DGUOK: variants seen among roughly 807,000 people sequenced by gnomAD.
DGUOK encodes deoxyguanosine kinase.
A neutral mutation model predicts 36.6 loss-of-function variants in DGUOK; 30 were observed. The observed-to-expected ratio is 0.82, with a 90% CI of 0.61 to 1.11. The LOEUF is 1.11. Among genes scored for constraint, DGUOK ranks in the 50% most tolerant of loss-of-function variants. DGUOK has a pLI of 0.00. For synonymous variants in DGUOK, 145 were observed against 126.3 expected (o/e 1.15, Z -0.99); for missense variants, 361 against 336.4 (o/e 1.07, Z -0.57).
intron 1 of DGUOK, among the ~76,000 whole-genome samples, chr2:73,933,455 G>A (rs1362909532): frequency 2.0e-5 from 3 of 152,184 alleles, no homozygotes; most frequent in Non-Finnish European, 4.4e-5. Context: ...AGTGGCGCTG[G>A]AGAGAGTTCA....
intron 3 of DGUOK, among the ~76,000 whole-genome samples, chr2:73,949,519 A>G (rs1301066262): frequency 6.6e-6 from 1 of 152,238 alleles, no homozygotes; most frequent in East Asian, 1.9e-4. Context: ...ACATCATCAT[A>G]ACAGGCTGAG....
intron 1 of DGUOK, among the ~76,000 whole-genome samples, chr2:73,936,474 T>G (rs1293470838): frequency 6.6e-6 from 1 of 152,168 alleles, no homozygotes; most frequent in Non-Finnish European, 1.5e-5. Flanking sequence ...ATCCACAGAT[T>G]CATGCTGTTT....
chr2:73,933,948 A>G (rs1681256249), intron 1 of DGUOK, among the ~76,000 whole-genome samples: 1 of 152,180 alleles, frequency 6.6e-6, no homozygotes, highest in Non-Finnish European at 1.5e-5. Flanking sequence ...AAGACATTAG[A>G]CAGTTTTATA....
At chr2:73,933,146 A>C (rs1681185426) in intron 1 of DGUOK, among the ~76,000 whole-genome samples, 2 of 152,182 alleles carry the variant, frequency 1.3e-5, no homozygotes, top group South Asian at 4.1e-4. Context: ...CAGCATTCAA[A>C]ATTAGTGACT....
intron 6 of DGUOK, 32 bp from the exon 7 acceptor site, chr2:73,958,677 GA>G: frequency 6.3e-7 from 1 of 1,594,430 alleles, no homozygotes; most frequent in Non-Finnish European, 8.6e-7. Context: ...TTAAAAATGT[GA>G]AATTAAACTT....
At chr2:73,943,284 G>C (rs1289478371) in intron 2 of DGUOK, among the ~76,000 whole-genome samples, 1 of 151,616 alleles carries the variant, frequency 6.6e-6, no homozygotes, top group African/African-American at 2.4e-5. Context: ...TGGTGAGTTG[G>C]GACTATAGGT....
chr2:73,953,088 C>T (rs954363897), intron 4 of DGUOK, among the ~76,000 whole-genome samples: 4 of 152,010 alleles, frequency 2.6e-5, no homozygotes, highest in South Asian at 4.1e-4. Context: ...TCCAATCCCA[C>T]GAGAGTGAGA....
chr2:73,938,563 C>G (rs770141362), intron 1 of DGUOK, among the ~76,000 whole-genome samples: 32 of 152,122 alleles, frequency 2.1e-4, no homozygotes, highest in Non-Finnish European at 4.1e-4. Flanking sequence ...TGTCACAGTA[C>G]AAATAGAATG....
At position 73,956,576 on chromosome 2, in the gene DGUOK, C is replaced by T. The variant is rs569338240; in HGVS notation, c.592-549C>T. 2.6e-5 allele frequency among the ~76,000 whole-genome samples: 4 copies of T among 152,118 alleles called. No homozygotes were observed. In the South Asian group the frequency reaches 8.3e-4, roughly 31 times the overall value. On this transcript the variant is annotated intron_variant, in intron 4 of 6. Transcript: ENST00000264093. Reference sequence around the variant, plus strand: ...CCTCAGTGACCTGTGGATGGGTAGACAATGAGGAAATAGAAGCCCACAAGG... The same window carrying T: ...CCTCAGTGACCTGTGGATGGGTAGATAATGAGGAAATAGAAGCCCACAAGG...
At chr2:73,957,308 A>G in intron 5 of DGUOK, 68 bp downstream of exon 5, 3 of 1,175,300 alleles carry the variant, frequency 2.6e-6, no homozygotes, top group South Asian at 1.3e-5. Context: ...GTTAAAAACA[A>G]GTTCAGCATG....
intron 3 of DGUOK, among the ~76,000 whole-genome samples, chr2:73,948,778 C>T (rs898444910): frequency 1.3e-5 from 2 of 152,182 alleles, no homozygotes; most frequent in Admixed American, 1.3e-4. Flanking sequence ...CCTGTTCTGT[C>T]CTGCAGCCCC....
chr2:73,928,849 A>C (rs1680799231), intron 1 of DGUOK, among the ~76,000 whole-genome samples: 1 of 152,222 alleles, frequency 6.6e-6, no homozygotes, highest in Admixed American at 6.5e-5. Context: ...TGAAAAGTGA[A>C]AGTGGTGAGA....
chr2:73,958,449 T>C (rs1683294752), intron 6 of DGUOK, among the ~76,000 whole-genome samples: 1 of 152,214 alleles, frequency 6.6e-6, no homozygotes. Flanking sequence ...TGTTAAATAA[T>C]TGACTTGTAA....
intron 3 of DGUOK, chr2:73,947,902 C>G (rs1290566559): frequency 5.3e-5 from 8 of 152,050 alleles, no homozygotes; most frequent in Non-Finnish European, 1.2e-4. Context: ...ATTAGACAAA[C>G]TAGTTCTATT....
chr2:73,953,303 TCGTC>T (rs1558664506), intron 4 of DGUOK, among the ~76,000 whole-genome samples: 52 of 137,966 alleles, frequency 3.8e-4, no homozygotes, highest in Admixed American at 3.4e-3. Context: ...GTCGTCGTCG[TCGTC>T]GTCGTCGTCA....
chr2:73,946,988 TG>T (rs1682386989), intron 3 of DGUOK, 82 bp downstream of exon 3: 2 of 1,205,130 alleles, frequency 1.7e-6, no homozygotes, highest in Admixed American at 2.0e-5. Context: ...TGCACTGCTA[TG>T]GTCACTGATG....
chr2:73,950,061 A>G (rs1682597579), intron 3 of DGUOK, among the ~76,000 whole-genome samples: 1 of 152,228 alleles, frequency 6.6e-6, no homozygotes, highest in Non-Finnish European at 1.5e-5. Context: ...ACACCACATA[A>G]ATACTATTTC....
At chr2:73,944,639 G>C (rs1464823548) in intron 2 of DGUOK, among the ~76,000 whole-genome samples, 1 of 152,152 alleles carries the variant, frequency 6.6e-6, no homozygotes, top group Non-Finnish European at 1.5e-5. Flanking sequence ...ATTTTTGGAA[G>C]GATGTTTGCA....
rs770950831 is a variant in DGUOK at position 73,950,635 on chromosome 2, A to T, written c.494A>T (p.Glu165Val). The T allele has an allele frequency of 3.8e-5, 61 of 1,613,992 alleles. No individual in the cohort carries two copies. Among genetic ancestry groups the T allele is most frequent in the Non-Finnish European group, 4.8e-5 (57 of 1,180,030 alleles). ...LFENGSLSDIEWHIYQDWHSF... is the reference protein window; with the variant it reads ...LFENGSLSDIVWHIYQDWHSF... ...GAAAATGGTTCCCTCAGTGACATCG[A>T]GTGGCATATCTATCAGGACTGGCAT... is the stretch of plus-strand genomic sequence containing the variant. The change falls in exon 4 of 7, where the codon GAG becomes GTG. Residue 165 changes from glutamate to valine, a missense_variant. Coordinates refer to ENST00000264093, the MANE Select transcript of DGUOK (RefSeq NM_080916.3).
Sources: allele counts gnomAD v4.1 joint callset (sites outside exome capture counted in the v4.1 genomes callset), GRCh38; gene constraint gnomAD v4.1.1; transcripts MANE v1.5; gene names NCBI Gene and HGNC (gene_info 2026-07-23, HGNC 2026-07-21).